Variants in ASAP1 observed in about 807,000 individuals in gnomAD.
The protein encoded by ASAP1 is ArfGAP with SH3 domain, ankyrin repeat and PH domain 1.
In ASAP1, 43 loss-of-function variants were observed where a neutral mutation model predicts 145.2. The observed-to-expected ratio is 0.30, with a 90% CI of 0.23 to 0.38. The LOEUF (loss-of-function observed/expected upper bound fraction) is 0.38. ASAP1 is among the 10% of genes least tolerant of loss of function. The probability of loss-of-function intolerance (pLI) is 1.00; values close to 1 mark genes in which losing one functional copy is unlikely to be tolerated. For missense variants in ASAP1, 1,018 were observed against 1,355.3 expected (o/e 0.75, Z 3.91); for synonymous variants, 546 against 515.5 (o/e 1.06, Z -0.80).
At chr8:130,106,260 C>G (rs1198812503) in intron 24 of ASAP1, among the ~76,000 whole-genome samples, 2 of 152,180 alleles carry the variant, frequency 1.3e-5, no homozygotes, top group African/African-American at 4.8e-5. Context: ...GCTTTAATAT[C>G]AAGCTACTCT....
intron 3 of ASAP1, among the ~76,000 whole-genome samples, chr8:130,348,841 C>G (rs1164330290): frequency 6.6e-6 from 1 of 152,186 alleles, no homozygotes; most frequent in Non-Finnish European, 1.5e-5. Context: ...TTCACCTCCC[C>G]ACAAATGACC....
chr8:130,352,444 C>T (rs1393153699), intron 3 of ASAP1, among the ~76,000 whole-genome samples: 1 of 152,060 alleles, frequency 6.6e-6, no homozygotes, highest in Non-Finnish European at 1.5e-5. Context: ...CACTTAAGGA[C>T]CTAACAGTAT....
At chr8:130,375,554 A>C (rs1286204167) in intron 2 of ASAP1, among the ~76,000 whole-genome samples, 2 of 85,224 alleles carry the variant, frequency 2.3e-5, no homozygotes, top group South Asian at 5.4e-4. Context: ...TCTCGAGGGA[A>C]AAAAAAAAAA....
At chr8:130,072,824 T>TGTGCGTGTGCGCGCGCGCGCGCGC in intron 27 of ASAP1, among the ~76,000 whole-genome samples, 1 of 32,282 alleles carries the variant, frequency 3.1e-5, no homozygotes, top group Non-Finnish European at 5.7e-5. Context: ...TGTGTGTGTG[T>TGTGCGTGTGCGCGCGCGCGCGCGC]GCGCGCGGGG....
chr8:130,348,382 T>C (rs1351544661), intron 3 of ASAP1, among the ~76,000 whole-genome samples: 1 of 152,224 alleles, frequency 6.6e-6, no homozygotes, highest in Non-Finnish European at 1.5e-5. Flanking sequence ...TTCCCAGCTT[T>C]TGAGTGGCTA....
chr8:130,257,885 A>C (rs1359490365), intron 3 of ASAP1, among the ~76,000 whole-genome samples: 2 of 151,094 alleles, frequency 1.3e-5, no homozygotes, highest in African/African-American at 4.9e-5. Flanking sequence ...TATTCTAGCA[A>C]ATCTGTTAAA....
intron 5 of ASAP1, among the ~76,000 whole-genome samples, chr8:130,199,230 T>G (rs1815707751): frequency 1.3e-5 from 2 of 152,242 alleles, no homozygotes; most frequent in Non-Finnish European, 2.9e-5. Context: ...ATGACTGCTT[T>G]GCCCACCATT....
intron 3 of ASAP1, chr8:130,246,848 A>C (rs1020368863): frequency 1.3e-5 from 2 of 152,188 alleles, no homozygotes; most frequent in Admixed American, 6.6e-5. Context: ...CTCTGCACCT[A>C]ATCAGTAGAA....
At chr8:130,257,938 G>C (rs1319918726) in intron 3 of ASAP1, among the ~76,000 whole-genome samples, 1 of 152,064 alleles carries the variant, frequency 6.6e-6, no homozygotes, top group Non-Finnish European at 1.5e-5. Flanking sequence ...AATTCAACCT[G>C]CCATGGGTGT....
At chr8:130,294,721 CAG>C (rs1205700062) in intron 3 of ASAP1, among the ~76,000 whole-genome samples, 1 of 152,152 alleles carries the variant, frequency 6.6e-6, no homozygotes, top group Non-Finnish European at 1.5e-5. Context: ...CTAATGAAAA[CAG>C]AGAATTATTT....
intron 5 of ASAP1, among the ~76,000 whole-genome samples, chr8:130,191,806 T>C (rs1387901713): frequency 6.6e-6 from 1 of 152,134 alleles, no homozygotes. Flanking sequence ...ATATTTTAAA[T>C]GCTATGGCAT....
intron 2 of ASAP1, among the ~76,000 whole-genome samples, chr8:130,383,303 G>A (rs1180099763): frequency 1.3e-5 from 2 of 152,206 alleles, no homozygotes; most frequent in Non-Finnish European, 2.9e-5. Flanking sequence ...CAGCCAGTGA[G>A]CGTGGGTGCA....
At chr8:130,115,493 G>A in intron 23 of ASAP1, 135 bp downstream of exon 23, 1 of 718,806 alleles carries the variant, frequency 1.4e-6, no homozygotes, top group South Asian at 1.7e-5. Flanking sequence ...AATAAGGACT[G>A]AACAACATAA....
chr8:130,159,744 T>C, intron 12 of ASAP1, 120 bp downstream of exon 12: 1 of 737,342 alleles, frequency 1.4e-6, no homozygotes, highest in Non-Finnish European at 2.3e-6. Flanking sequence ...AGAAAACCAG[T>C]GTGCTAAAGG....
rs966146146 is a variant in ASAP1 at position 130,195,632 on chromosome 8, C to A, written c.406-7449G>T. Among the ~76,000 whole-genome samples the A allele has an allele frequency of 2.0e-5, 3 of 152,136 alleles. No individual in the cohort carries two copies. The East Asian group carries it at 5.8e-4, about 29-fold the overall frequency. On this transcript the variant is annotated intron_variant, in intron 5 of 29. Transcript: ENST00000518721. ...CCTCAAAGAAGAGGTATTCCCCCTG[C>A]TAGTACATACATCAAGCCTAACCAG... is the stretch of plus-strand genomic sequence containing the variant.
intron 3 of ASAP1, among the ~76,000 whole-genome samples, chr8:130,297,473 T>C (rs1460814396): frequency 1.3e-5 from 2 of 152,198 alleles, no homozygotes; most frequent in African/African-American, 4.8e-5. Flanking sequence ...ATTTCACTGA[T>C]GAGAAAATGA....
intron 3 of ASAP1, among the ~76,000 whole-genome samples, chr8:130,349,129 C>T (rs552229365): frequency 2.0e-5 from 3 of 152,340 alleles, no homozygotes; most frequent in African/African-American, 7.2e-5. Context: ...GAGTACAGAG[C>T]CCACTAAGGG....
chr8:130,187,167 T>C lies in ASAP1; in HGVS notation c.530+69A>G, dbSNP rs796463169. 33 of 1,386,728 alleles carry C rather than the reference T, an allele frequency of 2.4e-5. No individual in the cohort carries two copies. The African/African-American group carries it at 4.0e-4, about 17-fold the overall frequency. 85.9% of individuals were successfully genotyped at this position (1,386,728 alleles called of 1,614,324 possible). ...CTGTCCTTTTTCCAGTTAAGTTTTTTTTTTTGTTGTCCAAAATTCACAACA... is the reference window on the plus strand; with the variant it reads ...CTGTCCTTTTTCCAGTTAAGTTTTTCTTTTTGTTGTCCAAAATTCACAACA... On this transcript the variant is annotated intron_variant, in intron 7 of 29. Coordinates refer to ENST00000518721, the MANE Select transcript of ASAP1 (RefSeq NM_018482.4).
intron 24 of ASAP1, among the ~76,000 whole-genome samples, chr8:130,104,816 G>A (rs934440931): frequency 6.6e-6 from 1 of 152,030 alleles, no homozygotes; most frequent in Non-Finnish European, 1.5e-5. Flanking sequence ...AAAACCAAAA[G>A]TCTCTTACAC....
Sources: gnomAD v4.1 joint callset for allele counts (sites outside exome capture counted in the v4.1 genomes callset) on GRCh38, gnomAD v4.1.1 for gene constraint, MANE v1.5 for transcripts, NCBI Gene and HGNC (gene_info 2026-07-23, HGNC 2026-07-21) for gene names.